NUP107: variants seen among roughly 807,000 people sequenced by gnomAD.
The protein encoded by NUP107 is nuclear pore complex protein Nup107.
A neutral mutation model predicts 141.0 loss-of-function variants in NUP107; 101 were observed. The observed-to-expected ratio is 0.72, with a 90% CI of 0.61 to 0.84. The LOEUF (loss-of-function observed/expected upper bound fraction) is 0.84, where lower values mean the gene tolerates loss of function less well. Ranked by LOEUF, NUP107 falls within the 40% of genes least tolerant of loss-of-function variation. The probability of loss-of-function intolerance (pLI) is 0.00; values close to 1 mark genes in which losing one functional copy is unlikely to be tolerated. For synonymous variants in NUP107, 319 were observed against 363.9 expected (o/e 0.88, Z 1.41); for missense variants, 941 against 1,102.7 (o/e 0.85, Z 2.08).
chr12:68,701,716 C>A (rs555532762), intron 7 of NUP107, among the ~76,000 whole-genome samples: 1 of 151,866 alleles, frequency 6.6e-6, no homozygotes, highest in South Asian at 2.1e-4. Context: ...AAATAAATAA[C>A]CATTTGTGTA....
In NUP107 at chr12:68,702,732, C is replaced by A; in HGVS notation, c.681-4C>A. The stretch of plus-strand genomic sequence containing the variant: ...CTTTTTTATTTTGTCTTATTTTTCC[C>A]CAGAGACAGAATACAGTCTGCATTA... On this transcript the variant is annotated splice_region_variant and splice_polypyrimidine_tract_variant and intron_variant, in intron 7 of 27. Coordinates refer to ENST00000229179, the MANE Select transcript of NUP107 (RefSeq NM_020401.4). The A allele has an allele frequency of 6.5e-7, 1 of 1,532,578 alleles. No homozygotes were observed. The highest frequency in any genetic ancestry group is 8.8e-7 in the Non-Finnish European group (1 of 1,138,018). The allele number at this position is 1,532,578 out of a possible 1,614,324, so 94.9% of individuals were successfully genotyped here.
rs954347572 is a variant in NUP107, at chr12:68,727,388, A to G, written c.1733A>G (p.Gln578Arg). The G allele has an allele frequency of 8.7e-6, 13 of 1,491,916 alleles. No individual in the cohort carries two copies. The highest frequency in any genetic ancestry group is 1.2e-5 in the Non-Finnish European group (13 of 1,084,874). 92.4% of individuals were successfully genotyped at this position (1,491,916 alleles called of 1,614,324 possible). A position where few individuals can be genotyped will look rare whatever the true frequency, so the allele number is the denominator to read the frequency against. ...VSIEVLKTYIQLLIREKHTNL... is the reference protein window; with the variant it reads ...VSIEVLKTYIRLLIREKHTNL... ...ATTGAAGTTTTAAAGACATACATAC[A>G]GGTAAACTTTGAGAACCTACAACCT... The change falls in exon 20 of 28, where the codon CAG becomes CGG. Residue 578 changes from glutamine (Q) to arginine (R), a missense_variant and splice_region_variant. Gln to Arg is a conservative substitution (Grantham distance 43). Coordinates refer to ENST00000229179, the MANE Select transcript of NUP107 (RefSeq NM_020401.4).
intron 26 of NUP107, among the ~76,000 whole-genome samples, chr12:68,738,158 C>T (rs1878155637): frequency 3.3e-5 from 5 of 152,178 alleles, no homozygotes; most frequent in Admixed American, 3.3e-4. Flanking sequence ...TGCCTGTAGT[C>T]CCAGCTACTT....
intron 1 of NUP107, 59 bp downstream of exon 1, chr12:68,687,132 A>C: frequency 6.2e-7 from 1 of 1,611,046 alleles, no homozygotes; most frequent in East Asian, 2.2e-5. Context: ...TGTTGGCGAA[A>C]CGAAATAGGT....
At chr12:68,690,817 C>A in intron 4 of NUP107, 71 bp downstream of exon 4, 1 of 1,448,056 alleles carries the variant, frequency 6.9e-7, no homozygotes, top group Non-Finnish European at 9.5e-7. Context: ...AATCTCAGCA[C>A]TCCCTGAACT....
chr12:68,688,237 A>C (rs1221163960), intron 1 of NUP107, among the ~76,000 whole-genome samples: 1 of 150,758 alleles, frequency 6.6e-6, no homozygotes, highest in African/African-American at 2.4e-5. Flanking sequence ...AATTGTTTCT[A>C]TGTGGTTGTT....
intron 26 of NUP107, among the ~76,000 whole-genome samples, chr12:68,737,023 A>G (rs1326698768): frequency 2.6e-5 from 4 of 151,968 alleles, no homozygotes; most frequent in African/African-American, 9.7e-5. Flanking sequence ...TTTTTATCCT[A>G]ACGTTCGTAA....
At chr12:68,697,591 A>C (rs1456273545) in intron 6 of NUP107, among the ~76,000 whole-genome samples, 1 of 152,188 alleles carries the variant, frequency 6.6e-6, no homozygotes, top group Non-Finnish European at 1.5e-5. Flanking sequence ...CTGTGTAACA[A>C]ACCTGCACAT....
At chr12:68,691,525 A>G (rs551656258) in intron 4 of NUP107, among the ~76,000 whole-genome samples, 1 of 152,224 alleles carries the variant, frequency 6.6e-6, no homozygotes, top group East Asian at 1.9e-4. Flanking sequence ...GAATGACTTC[A>G]CCTAAGTATT....
intron 7 of NUP107, among the ~76,000 whole-genome samples, 164 bp from the exon 8 acceptor site, chr12:68,702,572 C>T (rs1435117442): frequency 1.3e-5 from 2 of 151,786 alleles, no homozygotes; most frequent in Admixed American, 6.6e-5. Flanking sequence ...GCCTGTTGTC[C>T]CATTTTTGTT....
chr12:68,723,747 G>GGGAAATA (rs1877446359), intron 17 of NUP107, among the ~76,000 whole-genome samples: 1 of 152,166 alleles, frequency 6.6e-6, no homozygotes, highest in Non-Finnish European at 1.5e-5. Context: ...CAGAGTAGGT[G>GGGAAATA]GGAAATAGGA....
intron 1 of NUP107, 132 bp downstream of exon 1, chr12:68,687,205 A>C (rs968919403): frequency 2.3e-5 from 30 of 1,295,862 alleles, no homozygotes; most frequent in Non-Finnish European, 3.3e-5. Flanking sequence ...CTCCTTCCCC[A>C]TGCCGGGAAA....
At chr12:68,726,437 A>G (rs933271754) in intron 18 of NUP107, 62 bp from the exon 19 acceptor site, 3 of 1,027,848 alleles carry the variant, frequency 2.9e-6, no homozygotes, top group Non-Finnish European at 4.6e-6. Context: ...GTTCTTGGTA[A>G]TGTTTATTTT....
chr12:68,723,201 C>T (rs947890783), intron 17 of NUP107, among the ~76,000 whole-genome samples: 6 of 151,424 alleles, frequency 4.0e-5, no homozygotes, highest in Non-Finnish European at 8.8e-5. Flanking sequence ...AGCAAAACTT[C>T]GTCTCTAAAA....
Position 68,692,142 on chromosome 12 carries a change from A to C in NUP107, c.448+30A>C, listed in dbSNP as rs1035828241. ...AATGGCATTGAGCTTTGTGACAAGT[A>C]GCTTTTCACTTTAGCAAGATGAAGG... On this transcript the variant is annotated intron_variant, in intron 5 of 27. Transcript: ENST00000229179. 9 of 1,541,204 alleles carry C rather than the reference A, an allele frequency of 5.8e-6. No homozygotes were observed. The Admixed American group carries it at 6.6e-5, about 11-fold the overall frequency.
At chr12:68,727,144 C>T (rs1287147342) in intron 19 of NUP107, among the ~76,000 whole-genome samples, 1 of 152,012 alleles carries the variant, frequency 6.6e-6, no homozygotes, top group Non-Finnish European at 1.5e-5. Flanking sequence ...AAAATGTGAA[C>T]AATAATAGTA....
chr12:68,726,648 T>TAG (rs1428751961), intron 19 of NUP107, 31 bp downstream of exon 19: 1 of 1,335,154 alleles, frequency 7.5e-7, no homozygotes, highest in South Asian at 1.2e-5. Flanking sequence ...TCTTCTTCTC[T>TAG]GTAATGTTGA....
intron 22 of NUP107, among the ~76,000 whole-genome samples, chr12:68,732,193 A>G (rs2136045173): frequency 6.6e-6 from 1 of 152,268 alleles, no homozygotes; most frequent in South Asian, 2.1e-4. Flanking sequence ...GCTGGAGTGC[A>G]GTGGCGCTAT....
At chr12:68,694,842 G>T (rs527914208) in intron 5 of NUP107, among the ~76,000 whole-genome samples, 2 of 152,248 alleles carry the variant, frequency 1.3e-5, no homozygotes, top group East Asian at 3.9e-4. Context: ...CAGAGGTTGC[G>T]GTGAGCTGAG....
Sources: gnomAD v4.1 joint callset for allele counts (sites outside exome capture counted in the v4.1 genomes callset) on GRCh38, gnomAD v4.1.1 for gene constraint, MANE v1.5 for transcripts, NCBI Gene and HGNC (gene_info 2026-07-23, HGNC 2026-07-21) for gene names.